The following TNRC18 variants were observed in gnomAD, a reference collection of about 807,000 sequenced individuals.
TNRC18 encodes trinucleotide repeat-containing gene 18 protein.
A neutral mutation model predicts 226.7 loss-of-function variants in TNRC18; 69 were observed. The ratio of observed to expected loss-of-function variants is 0.30; its 90% confidence interval spans 0.25 to 0.37. The LOEUF is 0.37. TNRC18 is among the 10% of genes least tolerant of loss of function. TNRC18 has a pLI of 1.00. For missense variants in TNRC18, 4,754 were observed against 4,256.6 expected (o/e 1.12, Z -3.25); for synonymous variants, 2,449 against 1,927.6 (o/e 1.27, Z -7.09).
chr7:5,345,517 G>GGGGGGGGGGGCCCCCC lies in TNRC18; in HGVS notation c.5719+44_5719+45insGGGGGGCCCCCCCCCC. 4.2e-5 allele frequency: 16 copies of GGGGGGGGGGGCCCCCC among 377,740 alleles called. 2 individuals are homozygous for GGGGGGGGGGGCCCCCC. Among genetic ancestry groups the GGGGGGGGGGGCCCCCC allele is most frequent in the Non-Finnish European group, 7.2e-5 (15 of 207,164 alleles). 23.4% of individuals were successfully genotyped at this position (377,740 alleles called of 1,614,324 possible). ...CCTGTGGGATGGGGCAATGGCGTCC[G>GGGGGGGGGGGCCCCCC]CCCCTCCCACCCACCCCCACCGCAG... On this transcript the variant is annotated intron_variant, in intron 18 of 29. Coordinates refer to ENST00000430969, the MANE Select transcript of TNRC18 (RefSeq NM_001080495.3).
At chr7:5,414,341 T>A (rs985717755) in intron 2 of TNRC18, among the ~76,000 whole-genome samples, 27 of 151,036 alleles carry the variant, frequency 1.8e-4, no homozygotes, top group Non-Finnish European at 3.8e-4. Context: ...TAGATATTTT[T>A]TCTTTTCCTG....
rs1788216861 is a variant in TNRC18 at position 5,320,311 on chromosome 7, A to C, written c.6745+7T>G. On this transcript the variant is annotated splice_region_variant and intron_variant, in intron 24 of 29. Coordinates refer to ENST00000430969, the MANE Select transcript of TNRC18 (RefSeq NM_001080495.3). The stretch of plus-strand genomic sequence containing the variant: ...GGCAGGGGAGAGCTGGGGAGGAGGC[A>C]TCTCACCTCGGACCACAGTGCCTGG... The C allele has an allele frequency of 2.6e-6, 4 of 1,549,850 alleles. No homozygotes were observed. Among genetic ancestry groups the C allele is most frequent in the Non-Finnish European group, 3.5e-6 (4 of 1,145,868 alleles).
At position 5,313,324 on chromosome 7, in the gene TNRC18, C is replaced by T. The variant is rs536793379; in HGVS notation, c.7567G>A (p.Gly2523Arg). The T allele has an allele frequency of 4.3e-5, 67 of 1,551,042 alleles. 1 individual carries two copies. The Admixed American group carries it at 9.4e-4, about 22-fold the overall frequency. ...GGCCCGGGCTCCTGGGCGAGGTCCC[C>T]GTCGGTGGCCTTGGGCCAGGGTGCC... The part of the protein sequence containing the change: ...PKAPWPKATD[G>R]DLAQEPGPGL... The change falls in exon 27 of 30, where the codon GGG becomes AGG. Residue 2523 changes from glycine to arginine, a missense_variant. By Grantham distance (125) the Gly-to-Arg change is moderately radical (BLOSUM62 -2). Coordinates refer to ENST00000430969, the MANE Select transcript of TNRC18 (RefSeq NM_001080495.3).
rs1787323454 is a variant in TNRC18, at chr7:5,312,415, C to T, written c.8388+88G>A. 2.0e-6 allele frequency: 3 copies of T among 1,509,864 alleles called. No homozygotes were observed. The highest frequency in any genetic ancestry group is 1.8e-6 in the Non-Finnish European group (2 of 1,134,274). 93.5% of individuals were successfully genotyped at this position (1,509,864 alleles called of 1,614,324 possible). ...CCTGGGGTTCTGGGAGGTTACCACACACGGAGACACAGCATGAAGCCGTGG... is the reference window on the plus strand; with the variant it reads ...CCTGGGGTTCTGGGAGGTTACCACATACGGAGACACAGCATGAAGCCGTGG... On this transcript the variant is annotated intron_variant, in intron 27 of 29. Transcript: ENST00000430969. This position sits in a 1 kb window ranked among gnomAD's most constrained non-coding sequence, Gnocchi z 6.3.
intron 17 of TNRC18, 50 bp from the exon 18 acceptor site, chr7:5,345,860 G>A: frequency 2.7e-6 from 4 of 1,504,384 alleles, no homozygotes; most frequent in Non-Finnish European, 3.5e-6. Context: ...CTTGGCGAGG[G>A]CCACCCCCCA....
In TNRC18 at chr7:5,394,207, G is replaced by A. The variant is rs925456483; in HGVS notation, c.343+233C>T. ...GAGCTGAGCCGGAGGAGGACTGGAAGGTGGTCTGTGGCATGGGGTGTCAGG... is the reference window on the plus strand; with the variant it reads ...GAGCTGAGCCGGAGGAGGACTGGAAAGTGGTCTGTGGCATGGGGTGTCAGG... On this transcript the variant is annotated intron_variant, in intron 3 of 29. Coordinates refer to ENST00000430969, the MANE Select transcript of TNRC18 (RefSeq NM_001080495.3). This position sits in a 1 kb window ranked among gnomAD's most constrained non-coding sequence, Gnocchi z 4.5. Among the ~76,000 whole-genome samples the A allele has an allele frequency of 6.6e-6, 1 of 152,314 alleles. No homozygotes were observed.
chr7:5,380,592 G>C (rs1253890071), intron 5 of TNRC18, among the ~76,000 whole-genome samples: 1 of 152,202 alleles, frequency 6.6e-6, no homozygotes, highest in Non-Finnish European at 1.5e-5. Flanking sequence ...TGTTGACGAG[G>C]GCGCCTGGAC....
intron 19 of TNRC18, 163 bp from the exon 20 acceptor site, chr7:5,325,411 G>A (rs535233990): frequency 2.7e-6 from 2 of 743,312 alleles, no homozygotes; most frequent in East Asian, 3.3e-5. Flanking sequence ...AGCGTTTTTG[G>A]TTTTGGGTTT....
At chr7:5,353,347 G>A (rs1337690467) in intron 16 of TNRC18, among the ~76,000 whole-genome samples, 9 of 152,044 alleles carry the variant, frequency 5.9e-5, no homozygotes, top group African/African-American at 9.7e-5. Context: ...GACCAGCCTG[G>A]CCAACATGGC....
intron 2 of TNRC18, among the ~76,000 whole-genome samples, chr7:5,410,674 T>C (rs1781780392): frequency 6.6e-6 from 1 of 151,922 alleles, no homozygotes; most frequent in African/African-American, 2.4e-5. Flanking sequence ...GAAACCAGCC[T>C]GGCCAACATG....
chr7:5,406,411 G>A (rs530028302), intron 2 of TNRC18, among the ~76,000 whole-genome samples: 39 of 152,246 alleles, frequency 2.6e-4, no homozygotes, highest in African/African-American at 8.4e-4. Flanking sequence ...GCAGTGAGCC[G>A]AGATTGCGCC....
Position 5,357,025 on chromosome 7 carries a change from T to C in TNRC18, c.5085A>G (p.Lys1695=). 6.4e-7 allele frequency: 1 copy of C among 1,552,272 alleles called. No homozygotes were observed. The highest frequency in any genetic ancestry group is 8.7e-7 in the Non-Finnish European group (1 of 1,147,110). Residue 1695 remains lysine, a synonymous_variant, in exon 16 of 30, where the codon AAA becomes AAG. Transcript: ENST00000430969. ...GLSLKSSREG[K]HKRAAKTRKM... ...TCCTGGTTTTGGCTGCCCTTTTGTG[T>C]TTACCTTCTCTGGAGGATTTCAGAG...
At position 5,307,097 on chromosome 7, in the gene TNRC18, C is replaced by T. The variant is rs1234876791; in HGVS notation, c.*1009G>A. 2.1e-5 allele frequency: 3 copies of T among 143,458 alleles called. No homozygotes were observed. The highest frequency in any genetic ancestry group is 7.1e-5 in the Admixed American group (1 of 14,100). The allele number at this position is 143,458 out of a possible 1,614,324, so 8.9% of individuals were successfully genotyped here. A position where few individuals can be genotyped will look rare whatever the true frequency, so the allele number is the denominator to read the frequency against. On this transcript the variant is annotated 3_prime_UTR_variant, in exon 30 of 30. Coordinates refer to ENST00000430969, the MANE Select transcript of TNRC18 (RefSeq NM_001080495.3). The stretch of plus-strand genomic sequence containing the variant: ...TCTATCCTGGGGGGTGAGTACAGTA[C>T]ACTTGGTGGGGTGGGCGGGGGGTGT...
chr7:5,374,175 C>T lies in TNRC18; in HGVS notation c.3109G>A (p.Ala1037Thr), dbSNP rs767853531. The change falls in exon 10 of 30, where the codon GCC becomes ACC. Residue 1037 changes from alanine (A) to threonine (T), a missense_variant. Transcript: ENST00000430969. ...PSSHPTSPPPASPPPTPGITR... is the reference protein window; with the variant it reads ...PSSHPTSPPPTSPPPTPGITR... ...ATACCCGGGGTGGGCGGTGGGGAGG[C>T]GGGCGGCGGGCTGGTGGGGTGGGAG... 2.1e-4 allele frequency: 47 copies of T among 220,760 alleles called. No homozygotes were observed. The highest frequency in any genetic ancestry group is 6.3e-4 in the Admixed American group (1 of 1,582). The allele number at this position is 220,760 out of a possible 1,614,324, so 13.7% of individuals were successfully genotyped here.
At chr7:5,359,344 C>T in intron 15 of TNRC18, 54 bp downstream of exon 15, 2 of 1,590,638 alleles carry the variant, frequency 1.3e-6, no homozygotes, top group South Asian at 1.1e-5. Context: ...CTTAACACAC[C>T]CTCCAGACAC....
chr7:5,358,582 G>C (rs1383754709), intron 15 of TNRC18, among the ~76,000 whole-genome samples: 1 of 152,198 alleles, frequency 6.6e-6, no homozygotes, highest in Admixed American at 6.5e-5. Flanking sequence ...GGGAGGCTGA[G>C]GTAGGCAGAT....
chr7:5,344,925 G>T (rs984932622), intron 18 of TNRC18, among the ~76,000 whole-genome samples: 1 of 152,094 alleles, frequency 6.6e-6, no homozygotes, highest in Admixed American at 6.5e-5. Flanking sequence ...CGGGGTAAGC[G>T]CCAGCTGCCT....
chr7:5,327,043 G>C (rs937669223), intron 19 of TNRC18, among the ~76,000 whole-genome samples: 1 of 151,590 alleles, frequency 6.6e-6, no homozygotes, highest in Non-Finnish European at 1.5e-5. Flanking sequence ...AGAATCGCTT[G>C]AACCAGGAGA....
In TNRC18 at chr7:5,307,191, T is replaced by A. The variant is rs935262230; in HGVS notation, c.*915A>T. ...ATCTAACAGGAAATAAAAAATAATA[T>A]TCTGCACGTCAGAATGTTTTTTTTT... On this transcript the variant is annotated 3_prime_UTR_variant, in exon 30 of 30. Transcript: ENST00000430969. 2 of 127,090 alleles carry A rather than the reference T, an allele frequency of 1.6e-5. No homozygotes were observed. Among genetic ancestry groups the A allele is most frequent in the African/African-American group, 3.1e-5 (1 of 32,508 alleles). 7.9% of individuals were successfully genotyped at this position (127,090 alleles called of 1,614,324 possible).
Sources: gnomAD v4.1 joint callset for allele counts (sites outside exome capture counted in the v4.1 genomes callset) on GRCh38, gnomAD v4.1.1 for gene constraint, Gnocchi (gnomAD v3.1) non-coding constraint, MANE v1.5 for transcripts, NCBI Gene and HGNC (gene_info 2026-07-23, HGNC 2026-07-21) for gene names.